The following EIF2B3 variants were observed in gnomAD, a reference collection of about 807,000 sequenced individuals.
EIF2B3 encodes the protein translation initiation factor eIF2B subunit gamma.
EIF2B3 carries 20 observed loss-of-function variants against 54.1 expected under a neutral mutation model. The observed-to-expected ratio is 0.37, with a 90% CI of 0.26 to 0.54. EIF2B3 has a LOEUF of 0.54. Among genes scored for constraint, EIF2B3 ranks in the 20% least tolerant of loss-of-function variants. EIF2B3 has a pLI of 0.86. For synonymous variants in EIF2B3, 153 were observed against 188.1 expected, an observed-to-expected ratio of 0.81 and a Z score of 1.52; for missense variants, 448 against 547.8, an observed-to-expected ratio of 0.82 and a Z score of 1.82.
intron 11 of EIF2B3, among the ~76,000 whole-genome samples, chr1:44,855,997 G>A (rs1201132705): frequency 6.6e-6 from 1 of 152,076 alleles, no homozygotes; most frequent in Non-Finnish European, 1.5e-5. Context: ...CATGGGAAGA[G>A]GCAGAGAAGG....
intron 5 of EIF2B3, among the ~76,000 whole-genome samples, chr1:44,907,000 C>T (rs1316911392): frequency 1.3e-5 from 2 of 152,112 alleles, no homozygotes; most frequent in Non-Finnish European, 2.9e-5. Context: ...TCTTTTTTGA[C>T]ACCACTACAC....
chr1:44,942,404 TATATATATA>T (rs1557696967), intron 3 of EIF2B3, among the ~76,000 whole-genome samples: 6 of 21,894 alleles, frequency 2.7e-4, no homozygotes, highest in East Asian at 1.9e-3. Context: ...TATATATATA[TATATATATA>T]TATATTTTTT....
intron 8 of EIF2B3, among the ~76,000 whole-genome samples, chr1:44,878,272 C>T (rs1368529657): frequency 6.6e-6 from 1 of 151,728 alleles, no homozygotes; most frequent in Non-Finnish European, 1.5e-5. Flanking sequence ...TTTTCTTTTT[C>T]TTTTTTTTGA....
chr1:44,880,165 C>T (rs1655343891), intron 7 of EIF2B3, among the ~76,000 whole-genome samples, 157 bp from the exon 8 acceptor site: 1 of 152,170 alleles, frequency 6.6e-6, no homozygotes, highest in Non-Finnish European at 1.5e-5. Context: ...ATCCTCCCAC[C>T]TCAGCTTCCT....
At chr1:44,882,146 G>A (rs1037065168) in intron 6 of EIF2B3, among the ~76,000 whole-genome samples, 5 of 152,138 alleles carry the variant, frequency 3.3e-5, no homozygotes, top group Admixed American at 6.6e-5. Context: ...AAGCATATGC[G>A]AGTTACTGTG....
chr1:44,907,890 CAAAAAAAAAAA>C (rs71587071), intron 5 of EIF2B3, among the ~76,000 whole-genome samples: 7 of 47,098 alleles, frequency 1.5e-4, no homozygotes, highest in African/African-American at 4.1e-4. Flanking sequence ...AACTCCATCT[CAAAAAAAAAAA>C]AAAAAAAAAA....
At chr1:44,912,960 C>G (rs1175327190) in intron 5 of EIF2B3, among the ~76,000 whole-genome samples, 1 of 152,096 alleles carries the variant, frequency 6.6e-6, no homozygotes, top group Non-Finnish European at 1.5e-5. Context: ...CTGTCCCTAA[C>G]TAGATACATT....
chr1:44,957,134 C>T (rs1304051305), intron 3 of EIF2B3, among the ~76,000 whole-genome samples: 9 of 152,138 alleles, frequency 5.9e-5, no homozygotes, highest in Admixed American at 3.9e-4. Flanking sequence ...GGTATGGTGA[C>T]GTGTGCCTGT....
intron 11 of EIF2B3, among the ~76,000 whole-genome samples, chr1:44,856,856 G>C (rs1358152282): frequency 2.6e-5 from 4 of 152,096 alleles, no homozygotes; most frequent in African/African-American, 9.7e-5. Flanking sequence ...CCAGGCTAGA[G>C]TGCAGTGGTG....
chr1:44,938,402 C>A (rs1643980607), intron 4 of EIF2B3, among the ~76,000 whole-genome samples: 1 of 152,044 alleles, frequency 6.6e-6, no homozygotes, highest in Non-Finnish European at 1.5e-5. Flanking sequence ...ATACCAGCTA[C>A]TTGGCAGGCT....
intron 3 of EIF2B3, among the ~76,000 whole-genome samples, chr1:44,961,316 CAAA>C (rs752610849): frequency 1.3e-4 from 11 of 81,632 alleles, no homozygotes; most frequent in Admixed American, 4.6e-4. Context: ...GACCCTGTCT[CAAA>C]AAAAAAAAAA....
At position 44,950,396 on chromosome 1, in the gene EIF2B3, C is replaced by T. The variant is rs1205071863; in HGVS notation, c.295-8731G>A. ...ATGATTGTGCCATTGCACTCCAGCA[C>T]CCGTGACAGAGTGAGATCGTGTTTC... On this transcript the variant is annotated intron_variant, in intron 3 of 11. Transcript: ENST00000360403. Among the ~76,000 whole-genome samples the T allele has an allele frequency of 2.6e-5, 4 of 152,014 alleles. No individual in the cohort carries two copies. The East Asian group carries it at 7.7e-4, about 29-fold the overall frequency.
intron 6 of EIF2B3, among the ~76,000 whole-genome samples, chr1:44,891,652 A>C (rs1655800783): frequency 6.6e-6 from 1 of 152,228 alleles, no homozygotes. Context: ...ACCTGAATAT[A>C]GTACTCATAA....
At chr1:44,939,099 C>G (rs1343942248) in intron 4 of EIF2B3, among the ~76,000 whole-genome samples, 13 of 88,124 alleles carry the variant, frequency 1.5e-4, no homozygotes, top group African/African-American at 5.4e-4. Flanking sequence ...AAGACCCTGT[C>G]TCAAAAAAAA....
At chr1:44,918,109 G>A (rs1330100241) in intron 5 of EIF2B3, among the ~76,000 whole-genome samples, 15 of 113,714 alleles carry the variant, frequency 1.3e-4, no homozygotes, top group African/African-American at 4.2e-4. Context: ...ATGGAGTCTC[G>A]CTCTGTCCCC....
intron 3 of EIF2B3, chr1:44,958,831 C>T (rs1361508920): frequency 9.7e-7 from 1 of 1,029,334 alleles, no homozygotes; most frequent in African/African-American, 1.6e-5. Flanking sequence ...AGCTCCTGAG[C>T]AGTGGGCTTC....
intron 10 of EIF2B3, among the ~76,000 whole-genome samples, chr1:44,871,063 G>C (rs948124830): frequency 6.6e-6 from 1 of 152,160 alleles, no homozygotes; most frequent in East Asian, 1.9e-4. Flanking sequence ...CATTCAACTT[G>C]TCCCAGATGG....
chr1:44,934,180 G>A (rs890759301), intron 4 of EIF2B3, among the ~76,000 whole-genome samples: 2 of 151,958 alleles, frequency 1.3e-5, no homozygotes, highest in Non-Finnish European at 2.9e-5. Flanking sequence ...GGTGGATCAC[G>A]AGGTAAGGAG....
intron 6 of EIF2B3, among the ~76,000 whole-genome samples, chr1:44,883,163 C>A (rs1655466895): frequency 6.6e-6 from 1 of 151,302 alleles, no homozygotes; most frequent in African/African-American, 2.4e-5. Context: ...GTCTTGAACT[C>A]CTGACCTCAG....
Sources: allele counts gnomAD v4.1 joint callset (sites outside exome capture counted in the v4.1 genomes callset), GRCh38; gene constraint gnomAD v4.1.1; transcripts MANE v1.5; gene names NCBI Gene and HGNC (gene_info 2026-07-23, HGNC 2026-07-21).